The following RNF130 variants were observed in gnomAD, a reference collection of about 807,000 sequenced individuals.
The protein encoded by RNF130 is ring finger protein 130.
RNF130 carries 21 observed loss-of-function variants against 44.6 expected under a neutral mutation model. The observed-to-expected ratio is 0.47, with a 90% CI of 0.33 to 0.68. RNF130 has a LOEUF of 0.68. Among genes scored for constraint, RNF130 ranks in the 30% least tolerant of loss-of-function variants. RNF130 has a pLI of 0.02. For synonymous variants in RNF130, 214 were observed against 210.4 expected (o/e 1.02, Z -0.15); for missense variants, 479 against 560.6 (o/e 0.85, Z 1.47).
At chr5:179,944,387 T>C (rs1414818710) in intron 7 of RNF130, among the ~76,000 whole-genome samples, 1 of 152,246 alleles carries the variant, frequency 6.6e-6, no homozygotes, top group East Asian at 1.9e-4. Context: ...GTTCCTATAA[T>C]TGACTTAACA....
chr5:179,994,544 T>C lies in RNF130; in HGVS notation c.694-14344A>G, dbSNP rs1453994260. On this transcript the variant is annotated intron_variant, in intron 3 of 8. Coordinates refer to ENST00000521389, the MANE Select transcript of RNF130 (RefSeq NM_018434.6). ...TTACTATGATGTAATTTGAGTAGGA[T>C]TGTTTGACTTTGCTTCTGAGTGTGT... Among the ~76,000 whole-genome samples, 6 of 152,122 alleles carry C rather than the reference T, an allele frequency of 3.9e-5. No individual in the cohort carries two copies. The East Asian group carries it at 5.8e-4, about 15-fold the overall frequency.
chr5:180,033,258 A>C (rs1041902578), intron 2 of RNF130, among the ~76,000 whole-genome samples: 51 of 152,316 alleles, frequency 3.3e-4, no homozygotes, highest in African/African-American at 1.2e-3. Flanking sequence ...TTGGGATTAC[A>C]GGTGTGTGCT....
chr5:180,012,534 T>C (rs1034560876), intron 3 of RNF130, among the ~76,000 whole-genome samples: 3 of 151,958 alleles, frequency 2.0e-5, no homozygotes, highest in Admixed American at 2.0e-4. Context: ...GTGGAACTCC[T>C]AGGATGACTA....
At chr5:180,022,301 A>T (rs1322923453) in intron 2 of RNF130, among the ~76,000 whole-genome samples, 1 of 152,118 alleles carries the variant, frequency 6.6e-6, no homozygotes, top group Non-Finnish European at 1.5e-5. Flanking sequence ...CCTTCAGTTT[A>T]CTTTTACTTT....
chr5:180,037,751 A>G (rs1764281595), intron 2 of RNF130, among the ~76,000 whole-genome samples: 1 of 152,214 alleles, frequency 6.6e-6, no homozygotes. Flanking sequence ...AGATTCTTTT[A>G]ACTATACCAC....
chr5:179,926,516 G>A (rs973660227), intron 7 of RNF130, among the ~76,000 whole-genome samples: 20 of 147,382 alleles, frequency 1.4e-4, no homozygotes, highest in Non-Finnish European at 1.9e-4. Flanking sequence ...GGGTGTGGTG[G>A]CGCATGCCTG....
chr5:180,021,420 T>A (rs1312426861), intron 2 of RNF130, among the ~76,000 whole-genome samples: 1 of 152,158 alleles, frequency 6.6e-6, no homozygotes, highest in Admixed American at 6.5e-5. Flanking sequence ...TTATGTATCA[T>A]GAAGAAAAAA....
chr5:180,056,711 A>C (rs1764832538), intron 1 of RNF130, among the ~76,000 whole-genome samples: 2 of 152,230 alleles, frequency 1.3e-5, no homozygotes, highest in Non-Finnish European at 1.5e-5. Flanking sequence ...ATGTGTATAT[A>C]TGTGTACAAA....
At chr5:179,951,389 GTT>G (rs59639284), downstream of RNF130, among the ~76,000 whole-genome samples, 1 of 146,850 alleles carries the variant, frequency 6.8e-6, no homozygotes, top group African/African-American at 2.5e-5. Flanking sequence ...ATAGGTTTTT[GTT>G]TTTTTTTTTT....
At chr5:179,960,283 C>A (rs928040589) in intron 8 of RNF130, among the ~76,000 whole-genome samples, 1 of 152,140 alleles carries the variant, frequency 6.6e-6, no homozygotes. Flanking sequence ...TCTTTGACTA[C>A]CATCCTGTTT....
intron 2 of RNF130, among the ~76,000 whole-genome samples, chr5:180,035,946 T>C (rs951423381): frequency 4.6e-5 from 7 of 152,218 alleles, no homozygotes; most frequent in African/African-American, 1.7e-4. Flanking sequence ...TTTAATATAG[T>C]TTCCTTTAGT....
chr5:179,946,712 C>G (rs1762047542), intron 7 of RNF130, among the ~76,000 whole-genome samples: 1 of 150,836 alleles, frequency 6.6e-6, no homozygotes, highest in African/African-American at 2.5e-5. Context: ...CGCCACCACG[C>G]CCGGCTAATT....
At chr5:179,914,132 C>T (rs1761506923) in exon 8 of RNF130, 1 of 152,200 alleles carries the variant, frequency 6.6e-6, no homozygotes, top group Admixed American at 6.5e-5. Flanking sequence ...GAGGGTGTGT[C>T]GAAGCTTTGG....
chr5:179,929,955 T>TA (rs1411573687), intron 7 of RNF130, among the ~76,000 whole-genome samples: 1 of 152,240 alleles, frequency 6.6e-6, no homozygotes, highest in African/African-American at 2.4e-5. Flanking sequence ...GTTCTCTGTA[T>TA]AAAAGCCTTG....
At chr5:180,003,176 G>A (rs763296622) in intron 3 of RNF130, among the ~76,000 whole-genome samples, 3 of 152,102 alleles carry the variant, frequency 2.0e-5, no homozygotes, top group Non-Finnish European at 4.4e-5. Flanking sequence ...GAAAGATTTA[G>A]CAGGTAAAAC....
intron 7 of RNF130, among the ~76,000 whole-genome samples, chr5:179,940,847 AT>A (rs1191555112): frequency 6.6e-6 from 1 of 151,420 alleles, no homozygotes; most frequent in African/African-American, 2.4e-5. Context: ...ATGTATATTA[AT>A]TTTTTCATCA....
At chr5:179,932,699 G>A (rs192276105) in intron 7 of RNF130, among the ~76,000 whole-genome samples, 11 of 152,074 alleles carry the variant, frequency 7.2e-5, no homozygotes, top group African/African-American at 1.7e-4. Flanking sequence ...TTAGCCAGGC[G>A]TGGTGGCACA....
chr5:180,036,368 C>T, intron 2 of RNF130, among the ~76,000 whole-genome samples: 1 of 152,168 alleles, frequency 6.6e-6, no homozygotes, highest in Non-Finnish European at 1.5e-5. Flanking sequence ...TGCTAGCCCA[C>T]CTCTGTGAAG....
At position 180,062,041 on chromosome 5, in the gene RNF130, C is replaced by T. The variant is rs541663114; in HGVS notation, c.247+9415G>A. 6.1e-4 allele frequency among the ~76,000 whole-genome samples: 92 copies of T among 151,734 alleles called. 1 individual carries two copies. The highest frequency in any genetic ancestry group is 2.0e-3 in the African/African-American group (83 of 41,420). The stretch of plus-strand genomic sequence containing the variant: ...GGCAGAAAAGGGCAAACATGCTTCC[C>T]CCTCCCCCAGCCTCTTTTTTTTTTT... On this transcript the variant is annotated intron_variant, in intron 1 of 8. Transcript: ENST00000521389.
Sources: gnomAD v4.1 joint callset for allele counts (sites outside exome capture counted in the v4.1 genomes callset) on GRCh38, gnomAD v4.1.1 for gene constraint, MANE v1.5 for transcripts, NCBI Gene and HGNC (gene_info 2026-07-23, HGNC 2026-07-21) for gene names.